CDH23: variants seen among roughly 807,000 people sequenced by gnomAD.
CDH23 encodes cadherin-23.
Under a neutral mutation model 317.1 loss-of-function variants are expected in CDH23, and 189 were observed. That is an observed-to-expected ratio of 0.60 (90% confidence interval 0.53 to 0.67). The LOEUF (loss-of-function observed/expected upper bound fraction) is 0.67. Ranked by LOEUF, CDH23 falls within the 30% of genes least tolerant of loss-of-function variation. CDH23 has a pLI of 0.00. For synonymous variants in CDH23, 1,839 were observed against 1,876.8 expected, an observed-to-expected ratio of 0.98 and a Z score of 0.52; for missense variants, 4,401 against 4,592.4, an observed-to-expected ratio of 0.96 and a Z score of 1.20.
intron 16 of CDH23, among the ~76,000 whole-genome samples, chr10:71,678,159 C>T (rs1864453521): frequency 1.3e-5 from 2 of 152,152 alleles, no homozygotes; most frequent in Admixed American, 6.5e-5. Context: ...CCGACCCATC[C>T]ACTGCCATCT....
intron 3 of CDH23, among the ~76,000 whole-genome samples, chr10:71,477,476 C>T (rs1331816691): frequency 1.3e-5 from 2 of 152,182 alleles, no homozygotes; most frequent in East Asian, 3.9e-4. Flanking sequence ...GCCCCAGGCT[C>T]CTCTTTGAAT....
chr10:71,439,859 C>T lies in CDH23; in HGVS notation c.28C>T (p.His10Tyr), dbSNP rs971142356. The T allele has an allele frequency of 8.3e-6, 13 of 1,573,694 alleles. No individual in the cohort carries two copies. The highest frequency in any genetic ancestry group is 1.4e-5 in the African/African-American group (1 of 74,066). ...GGGGCGCCATGTTGCCACCAGCTGCCACGTGGCCTGGCTTTTGGTGCTGAT... is the reference window on the plus strand; with the variant it reads ...GGGGCGCCATGTTGCCACCAGCTGCTACGTGGCCTGGCTTTTGGTGCTGAT... MGRHVATSC[H>Y]VAWLLVLISG... The change falls in exon 2 of 70, where the codon CAC becomes TAC. Residue 10 changes from histidine to tyrosine, a missense_variant. Transcript: ENST00000224721.
At chr10:71,614,722 G>T (rs1161082241) in intron 9 of CDH23, among the ~76,000 whole-genome samples, 1 of 152,204 alleles carries the variant, frequency 6.6e-6, no homozygotes, top group Non-Finnish European at 1.5e-5. Flanking sequence ...GGCAGAGGAT[G>T]AGGACAAGAG....
At chr10:71,739,841 C>A in intron 36 of CDH23, 69 bp downstream of exon 36, 1 of 1,489,238 alleles carries the variant, frequency 6.7e-7, no homozygotes, top group Non-Finnish European at 9.0e-7. Context: ...TACTCTCCAT[C>A]CAGGAGAGAG....
At chr10:71,469,686 A>G (rs758409966) in intron 3 of CDH23, among the ~76,000 whole-genome samples, 24 of 151,868 alleles carry the variant, frequency 1.6e-4, no homozygotes, top group Non-Finnish European at 2.9e-4. Context: ...GCTCGCTGCA[A>G]CCTGTACCTC....
chr10:71,431,773 T>C (rs766315521), intron 1 of CDH23, among the ~76,000 whole-genome samples: 2 of 152,146 alleles, frequency 1.3e-5, no homozygotes, highest in Admixed American at 6.5e-5. Context: ...TGTCCCCCCC[T>C]GCCTGCTAGG....
At chr10:71,713,311 G>A in intron 28 of CDH23, 2 of 778,700 alleles carry the variant, frequency 2.6e-6, no homozygotes, top group East Asian at 2.4e-5. Context: ...GAGAAGGGAG[G>A]ACCCTGAAAA....
chr10:71,420,368 A>G (rs1848697766), intron 1 of CDH23, among the ~76,000 whole-genome samples: 2 of 123,260 alleles, frequency 1.6e-5, no homozygotes, highest in African/African-American at 2.9e-5. Flanking sequence ...TGTCCTCTCC[A>G]GTAGTCTATG....
intron 9 of CDH23, among the ~76,000 whole-genome samples, chr10:71,614,734 G>A (rs778009715): frequency 6.6e-6 from 1 of 152,178 alleles, no homozygotes; most frequent in Non-Finnish European, 1.5e-5. Context: ...GGACAAGAGA[G>A]AATGACAGAC....
intron 6 of CDH23, among the ~76,000 whole-genome samples, chr10:71,566,257 C>A (rs1305201218): frequency 6.6e-6 from 1 of 152,106 alleles, no homozygotes; most frequent in Non-Finnish European, 1.5e-5. Flanking sequence ...CCAGGAAGAA[C>A]CCTCAGCAGC....
At chr10:71,401,713 G>A (rs907996209) in intron 1 of CDH23, among the ~76,000 whole-genome samples, 112 of 152,108 alleles carry the variant, frequency 7.4e-4, no homozygotes, top group African/African-American at 2.7e-3. Context: ...CCATAGAGAA[G>A]GGGCAAAACC....
chr10:71,548,236 G>A (rs10823782), intron 6 of CDH23, among the ~76,000 whole-genome samples: 8 of 152,140 alleles, frequency 5.3e-5, no homozygotes, highest in African/African-American at 9.7e-5. Flanking sequence ...CACATCACAC[G>A]CAGTCATGCG....
At chr10:71,596,075 C>A (rs779958719) in intron 9 of CDH23, among the ~76,000 whole-genome samples, 5 of 152,018 alleles carry the variant, frequency 3.3e-5, no homozygotes, top group Non-Finnish European at 5.9e-5. Flanking sequence ...CCAAGGGTGG[C>A]GCCTTCTGCC....
At chr10:71,606,883 C>T (rs984169400) in intron 9 of CDH23, among the ~76,000 whole-genome samples, 2 of 152,038 alleles carry the variant, frequency 1.3e-5, no homozygotes, top group African/African-American at 4.8e-5. Flanking sequence ...GGTCTTCCCC[C>T]ACCCCGACTG....
intron 3 of CDH23, among the ~76,000 whole-genome samples, chr10:71,498,970 G>A (rs1184179562): frequency 6.6e-6 from 1 of 152,152 alleles, no homozygotes; most frequent in Non-Finnish European, 1.5e-5. Flanking sequence ...GCTTATTGCG[G>A]CACTATTTGC....
intron 1 of CDH23, among the ~76,000 whole-genome samples, chr10:71,419,945 GTC>G (rs1287193763): frequency 6.6e-6 from 1 of 152,202 alleles, no homozygotes; most frequent in Non-Finnish European, 1.5e-5. Context: ...GGCTGAGCAT[GTC>G]TCTCACCTGC....
At chr10:71,659,910 C>T (rs1002306705) in intron 14 of CDH23, among the ~76,000 whole-genome samples, 9 of 151,762 alleles carry the variant, frequency 5.9e-5, no homozygotes, top group Non-Finnish European at 1.3e-4. Flanking sequence ...TTAGATCACC[C>T]AGGTTTACCC....
rs140054294 is a variant in CDH23 at position 71,721,726 on chromosome 10, T to A, written c.3370-2319T>A. Among the ~76,000 whole-genome samples, 724 of 152,328 alleles carry A rather than the reference T, an allele frequency of 4.8e-3. 5 individuals are homozygous for A. The highest frequency in any genetic ancestry group is 0.016 in the African/African-American group (679 of 41,572). On this transcript the variant is annotated intron_variant, in intron 28 of 69. Transcript: ENST00000224721. ...AGCGCCTGCTACAGGCTCCTCGCTC[T>A]GCCTTCATACCACCATGTCTATACT...
intron 9 of CDH23, among the ~76,000 whole-genome samples, chr10:71,610,801 T>G (rs1860832416): frequency 6.7e-6 from 1 of 149,498 alleles, no homozygotes; most frequent in Non-Finnish European, 1.5e-5. Context: ...CTGGAGCTCC[T>G]AGAGGAGGTG....
Sources: allele counts gnomAD v4.1 joint callset (sites outside exome capture counted in the v4.1 genomes callset), GRCh38; gene constraint gnomAD v4.1.1; transcripts MANE v1.5; gene names NCBI Gene and HGNC (gene_info 2026-07-23, HGNC 2026-07-21).